Variants in AGBL4 observed in about 807,000 individuals in gnomAD.
AGBL4 encodes the protein cytosolic carboxypeptidase 6.
A neutral mutation model predicts 66.4 loss-of-function variants in AGBL4; 58 were observed. The observed-to-expected ratio is 0.87, with a 90% CI of 0.71 to 1.09. The LOEUF (loss-of-function observed/expected upper bound fraction) is 1.09. Ranked by LOEUF, AGBL4 falls within the 50% of genes least tolerant of loss-of-function variation. AGBL4 has a pLI of 0.00. For synonymous variants in AGBL4, 234 were observed against 222.9 expected (o/e 1.05, Z -0.44); for missense variants, 579 against 631.0 (o/e 0.92, Z 0.88).
At chr1:48,779,862 C>A (rs1188094351) in intron 6 of AGBL4, among the ~76,000 whole-genome samples, 1 of 151,536 alleles carries the variant, frequency 6.6e-6, no homozygotes, top group African/African-American at 2.4e-5. Context: ...TACAGGTGCT[C>A]GCCACCACGC....
intron 2 of AGBL4, among the ~76,000 whole-genome samples, chr1:49,775,146 A>G (rs1482956795): frequency 6.6e-6 from 1 of 152,204 alleles, no homozygotes; most frequent in Non-Finnish European, 1.5e-5. Context: ...GGGCAATATC[A>G]TATAATGTTT....
At chr1:49,550,223 T>A (rs544783227) in intron 3 of AGBL4, among the ~76,000 whole-genome samples, 1 of 152,356 alleles carries the variant, frequency 6.6e-6, no homozygotes, top group East Asian at 1.9e-4. Flanking sequence ...GGTGAGTTCT[T>A]ATCCATTCAG....
In AGBL4 at chr1:48,736,085, G is replaced by A. The variant is rs1648994935; in HGVS notation, c.635-72844C>T. Among the ~76,000 whole-genome samples the A allele has an allele frequency of 6.6e-6, 1 of 152,190 alleles. No individual in the cohort carries two copies. The highest frequency in any genetic ancestry group is 2.1e-4 in the South Asian group (1 of 4,832). The stretch of plus-strand genomic sequence containing the variant: ...CCTGGTAAATGTGAGCTCTTCTGGG[G>A]CATTTGGGTTATCCGCTTGGTGTCC... On this transcript the variant is annotated intron_variant, in intron 6 of 13. Coordinates refer to ENST00000371839, the MANE Select transcript of AGBL4 (RefSeq NM_032785.4). The surrounding 1 kb of genome is among the most constrained non-coding windows in gnomAD (Gnocchi z 4.0).
intron 1 of AGBL4, among the ~76,000 whole-genome samples, chr1:50,004,583 C>T (rs1660995319): frequency 6.6e-6 from 1 of 152,142 alleles, no homozygotes; most frequent in African/African-American, 2.4e-5. Flanking sequence ...CCAGCTCAGC[C>T]ACAGTAGGAC....
intron 8 of AGBL4, among the ~76,000 whole-genome samples, chr1:48,652,574 G>A (rs182153575): frequency 1.4e-4 from 22 of 152,288 alleles, no homozygotes; most frequent in Admixed American, 5.2e-4. Flanking sequence ...CTTGAAAGTC[G>A]TGGGCCGAAC....
intron 1 of AGBL4, among the ~76,000 whole-genome samples, chr1:49,898,476 G>A (rs1469198073): frequency 2.0e-5 from 3 of 152,068 alleles, no homozygotes; most frequent in South Asian, 2.1e-4. Flanking sequence ...AAACACCGGC[G>A]AGGATGTAGA....
At chr1:49,257,025 T>C (rs1570239180) in intron 3 of AGBL4, among the ~76,000 whole-genome samples, 2 of 149,016 alleles carry the variant, frequency 1.3e-5, no homozygotes, top group South Asian at 4.2e-4. Context: ...GTTTATGGAC[T>C]CAAAGTATGT....
At chr1:49,418,000 GTTTT>G in intron 3 of AGBL4, among the ~76,000 whole-genome samples, 1 of 152,218 alleles carries the variant, frequency 6.6e-6, no homozygotes, top group South Asian at 2.1e-4. Context: ...TTTATTGTTT[GTTTT>G]ATTTTTCATA....
intron 5 of AGBL4, among the ~76,000 whole-genome samples, chr1:48,970,721 T>C (rs1313895976): frequency 6.6e-6 from 1 of 152,150 alleles, no homozygotes; most frequent in African/African-American, 2.4e-5. Context: ...TGCATACTAT[T>C]TGGAGTAGCC....
chr1:49,840,115 T>C (rs1368498402), intron 2 of AGBL4, among the ~76,000 whole-genome samples: 2 of 152,162 alleles, frequency 1.3e-5, no homozygotes, highest in African/African-American at 4.8e-5. Flanking sequence ...TTTTTTTGGT[T>C]GGTAGTCTTT....
chr1:49,987,759 A>G (rs564677811), intron 1 of AGBL4, among the ~76,000 whole-genome samples: 2 of 151,982 alleles, frequency 1.3e-5, no homozygotes, highest in Admixed American at 1.3e-4. Flanking sequence ...TTTTCACCCA[A>G]TTTCTCATGA....
intron 1 of AGBL4, among the ~76,000 whole-genome samples, chr1:49,886,265 A>T (rs749962953): frequency 6.6e-6 from 1 of 152,188 alleles, no homozygotes; most frequent in African/African-American, 2.4e-5. Context: ...AGATACCTAT[A>T]TTCAGAGAAG....
intron 2 of AGBL4, among the ~76,000 whole-genome samples, chr1:49,790,806 G>A (rs901505118): frequency 6.6e-6 from 1 of 152,124 alleles, no homozygotes; most frequent in Non-Finnish European, 1.5e-5. Context: ...CTAAAGGAAA[G>A]CCAGGTGAAA....
intron 3 of AGBL4, among the ~76,000 whole-genome samples, chr1:49,258,857 G>A (rs1465839587): frequency 6.6e-6 from 1 of 152,260 alleles, no homozygotes; most frequent in East Asian, 1.9e-4. Context: ...ATAATTGTCA[G>A]ATTCACCAAA....
chr1:48,985,295 AC>A (rs1388048513), intron 5 of AGBL4, among the ~76,000 whole-genome samples: 2 of 152,060 alleles, frequency 1.3e-5, no homozygotes, highest in South Asian at 4.2e-4. Context: ...GCTTGGAAAG[AC>A]CCTCAACTAA....
chr1:49,323,455 T>C (rs112236983), intron 3 of AGBL4, among the ~76,000 whole-genome samples: 1 of 149,684 alleles, frequency 6.7e-6, no homozygotes, highest in Admixed American at 6.6e-5. Context: ...CTAATTTTTT[T>C]TTTTTTTTTT....
At chr1:48,948,868 CT>C (rs1656733913) in intron 5 of AGBL4, among the ~76,000 whole-genome samples, 1 of 148,398 alleles carries the variant, frequency 6.7e-6, no homozygotes, top group South Asian at 2.1e-4. Context: ...GCATAAAAGA[CT>C]AAAAAAAAAA....
chr1:49,845,511 T>C (rs1218691456), intron 2 of AGBL4: 5 of 1,578,510 alleles, frequency 3.2e-6, no homozygotes, highest in Non-Finnish European at 4.4e-6. Context: ...GTGGTGAGTG[T>C]GGCAAGGCCT....
At chr1:48,980,718 A>T (rs1267427174) in intron 5 of AGBL4, among the ~76,000 whole-genome samples, 2 of 92,334 alleles carry the variant, frequency 2.2e-5, no homozygotes, top group South Asian at 4.9e-4. Context: ...GTAAAGAAGA[A>T]ATATATATAT....
Sources: gnomAD v4.1 joint callset for allele counts (sites outside exome capture counted in the v4.1 genomes callset) on GRCh38, gnomAD v4.1.1 for gene constraint, Gnocchi (gnomAD v3.1) non-coding constraint, MANE v1.5 for transcripts, NCBI Gene and HGNC (gene_info 2026-07-23, HGNC 2026-07-21) for gene names.